Variants in PIAS1 observed in about 807,000 individuals in gnomAD.
PIAS1 encodes protein inhibitor of activated STAT 1, also known as E3 SUMO-protein ligase PIAS1.
A neutral mutation model predicts 71.3 loss-of-function variants in PIAS1; 6 were observed. That is an observed-to-expected ratio of 0.08 (90% CI 0.05 to 0.17). The LOEUF (loss-of-function observed/expected upper bound fraction) is 0.17, where lower values mean the gene tolerates loss of function less well. PIAS1 is among the 10% of genes least tolerant of loss of function. PIAS1 has a pLI of 1.00. For missense variants in PIAS1, 555 were observed against 793.6 expected, an observed-to-expected ratio of 0.70 and a Z score of 3.61; for synonymous variants, 303 against 292.9, an observed-to-expected ratio of 1.03 and a Z score of -0.35.
Position 68,095,194 on chromosome 15 carries a change from A to G in PIAS1, c.469+8444A>G, listed in dbSNP as rs986985070. ...TAAGTACAGTTTATCAAAGAAATCC[A>G]ACATTTAAGATCTTACTGGGATCGA... On this transcript the variant is annotated intron_variant, in intron 2 of 13. Coordinates refer to ENST00000249636, the MANE Select transcript of PIAS1 (RefSeq NM_016166.3). Among the ~76,000 whole-genome samples, 3 of 152,176 alleles carry G rather than the reference A, an allele frequency of 2.0e-5. No homozygotes were observed. In the East Asian group the frequency reaches 5.8e-4, roughly 29 times the overall value.
intron 4 of PIAS1, among the ~76,000 whole-genome samples, chr15:68,145,117 T>A (rs980695615): frequency 1.3e-5 from 2 of 152,220 alleles, no homozygotes; most frequent in East Asian, 3.8e-4. Context: ...ACTGAGAATT[T>A]ATGAATTATG....
chr15:68,072,740 A>G (rs1362571436), intron 1 of PIAS1, among the ~76,000 whole-genome samples: 1 of 152,194 alleles, frequency 6.6e-6, no homozygotes, highest in Non-Finnish European at 1.5e-5. Flanking sequence ...AACAGCCTCT[A>G]AATTGGTATC....
At position 68,142,020 on chromosome 15, in the gene PIAS1, A is replaced by G; in HGVS notation, c.544A>G (p.Ser182Gly). Residue 182 changes from serine to glycine, a missense_variant, in exon 3 of 14, where the codon AGT becomes GGT. Coordinates refer to ENST00000249636, the MANE Select transcript of PIAS1 (RefSeq NM_016166.3). ...ALTPQQVQQI[S>G]SSMDISGTKC... ...GACACCACAACAAGTGCAGCAAATC[A>G]GTAGTTCCATGTAAGTTGTCGTCAA... 4 of 1,599,078 alleles carry G rather than the reference A, an allele frequency of 2.5e-6. No individual in the cohort carries two copies. The highest frequency in any genetic ancestry group is 3.4e-6 in the Non-Finnish European group (4 of 1,170,984).
chr15:68,139,075 A>G (rs1004697466), intron 2 of PIAS1, among the ~76,000 whole-genome samples: 11 of 152,170 alleles, frequency 7.2e-5, no homozygotes, highest in African/African-American at 2.4e-4. Flanking sequence ...TATGTTACTC[A>G]TTTACATTCT....
chr15:68,132,201 G>A (rs557098612), intron 2 of PIAS1, among the ~76,000 whole-genome samples: 30 of 152,112 alleles, frequency 2.0e-4, no homozygotes, highest in Non-Finnish European at 4.0e-4. Flanking sequence ...AGTGTTGGCC[G>A]GGCATGGTGG....
rs2092283039 is a variant in PIAS1 at position 68,086,510 on chromosome 15, A to G, written c.229A>G (p.Ile77Val). 1 of 1,613,868 alleles carries G rather than the reference A, an allele frequency of 6.2e-7. No individual in the cohort carries two copies. Among genetic ancestry groups the G allele is most frequent in the Non-Finnish European group, 8.5e-7 (1 of 1,179,816 alleles). ...QKIMTPADLS[I>V]PNVHSSPMPA... ...AATCATGACGCCTGCAGACTTGTCCATCCCCAACGTACATTCAAGTCCTAT... is the reference window on the plus strand; with the variant it reads ...AATCATGACGCCTGCAGACTTGTCCGTCCCCAACGTACATTCAAGTCCTAT... Residue 77 changes from isoleucine to valine, a missense_variant, in exon 2 of 14, where the codon ATC becomes GTC. By Grantham distance (29) the Ile-to-Val change is conservative. This residue lies in a region of PIAS1 where 80 missense variants were observed against 66.9 expected (regional missense o/e 1.20). Coordinates refer to ENST00000249636, the MANE Select transcript of PIAS1 (RefSeq NM_016166.3). The surrounding 1 kb of genome is among the most constrained non-coding windows in gnomAD (Gnocchi z 7.2).
chr15:68,141,961 A>G lies in PIAS1; in HGVS notation c.485A>G (p.Gln162Arg). 6.2e-7 allele frequency: 1 copy of G among 1,601,878 alleles called. No homozygotes were observed. Residue 162 changes from glutamine (Q) to arginine (R), a missense_variant, in exon 3 of 14, where the codon CAG becomes CGG. By Grantham distance (43) the Gln-to-Arg change is conservative. Transcript: ENST00000249636. Reference protein sequence around the residue: ...KPTSLASDNSQRFRETCFAFA... With the variant: ...KPTSLASDNSRRFRETCFAFA... Reference sequence around the variant, plus strand: ...TCTTCTTTAGCATCAGACAACAGTCAGCGCTTTCGAGAAACCTGTTTTGCA... The same window carrying G: ...TCTTCTTTAGCATCAGACAACAGTCGGCGCTTTCGAGAAACCTGTTTTGCA...
intron 1 of PIAS1, among the ~76,000 whole-genome samples, chr15:68,075,874 C>T (rs1597136194): frequency 1.3e-5 from 2 of 151,856 alleles, no homozygotes; most frequent in South Asian, 2.1e-4. Context: ...CTCGGCCCCC[C>T]GGGGTTCAAG....
At chr15:68,065,909 T>G (rs1351221937) in intron 1 of PIAS1, among the ~76,000 whole-genome samples, 1 of 109,872 alleles carries the variant, frequency 9.1e-6, no homozygotes, top group African/African-American at 3.3e-5. Context: ...CTCAGCTGAC[T>G]AAAAGCTTTT....
At chr15:68,073,946 T>A (rs1159014398) in intron 1 of PIAS1, among the ~76,000 whole-genome samples, 2 of 152,178 alleles carry the variant, frequency 1.3e-5, no homozygotes, top group Non-Finnish European at 2.9e-5. Context: ...TTTAAGGTGT[T>A]AAGATTGACA....
intron 2 of PIAS1, among the ~76,000 whole-genome samples, chr15:68,096,105 C>T (rs1198690137): frequency 6.6e-6 from 1 of 152,138 alleles, no homozygotes; most frequent in Non-Finnish European, 1.5e-5. Flanking sequence ...TCTATATGTC[C>T]TTTCAAGATA....
intron 2 of PIAS1, among the ~76,000 whole-genome samples, chr15:68,123,473 C>G (rs1286236707): frequency 2.0e-5 from 3 of 152,042 alleles, no homozygotes; most frequent in African/African-American, 7.2e-5. Context: ...GTCTCATTTT[C>G]TTGTCTATAA....
intron 7 of PIAS1, among the ~76,000 whole-genome samples, chr15:68,154,804 A>T (rs1352738299): frequency 6.6e-6 from 1 of 152,240 alleles, no homozygotes; most frequent in Non-Finnish European, 1.5e-5. Context: ...CTGATTTGGG[A>T]TCTGCGGGAG....
intron 1 of PIAS1, among the ~76,000 whole-genome samples, chr15:68,065,670 T>C (rs897778881): frequency 6.6e-6 from 1 of 151,370 alleles, no homozygotes; most frequent in Non-Finnish European, 1.5e-5. Context: ...AATTAAATCC[T>C]GCATCTCTGT....
Position 68,186,763 on chromosome 15 carries a change from G to A in PIAS1, c.1663-779G>A, listed in dbSNP as rs1023440252. 7.9e-5 allele frequency among the ~76,000 whole-genome samples: 12 copies of A among 152,200 alleles called. No individual in the cohort carries two copies. Among genetic ancestry groups the A allele is most frequent in the African/African-American group, 2.7e-4 (11 of 41,440 alleles). On this transcript the variant is annotated intron_variant, in intron 13 of 13. Transcript: ENST00000249636. This position sits in a 1 kb window ranked among gnomAD's most constrained non-coding sequence, Gnocchi z 4.4. ...CTATGTTGAGATATACACATACTTAGCATTGTGTTACAGTTGCCTACGGCA... is the reference window on the plus strand; with the variant it reads ...CTATGTTGAGATATACACATACTTAACATTGTGTTACAGTTGCCTACGGCA...
intron 12 of PIAS1, among the ~76,000 whole-genome samples, chr15:68,183,070 A>G (rs891976486): frequency 3.3e-5 from 5 of 151,894 alleles, no homozygotes; most frequent in Non-Finnish European, 7.4e-5. Context: ...TAGCAGAACT[A>G]CTCCTTCTTA....
chr15:68,134,866 G>A lies in PIAS1; in HGVS notation c.470-7080G>A, dbSNP rs868458271. On this transcript the variant is annotated intron_variant, in intron 2 of 13. Transcript: ENST00000249636. Reference sequence around the variant, plus strand: ...GGGCTGACCCCCCCACCGCCCTCCCGGACGGGGCGGCTGGCCGGGCAGAGG... The same window carrying A: ...GGGCTGACCCCCCCACCGCCCTCCCAGACGGGGCGGCTGGCCGGGCAGAGG... Among the ~76,000 whole-genome samples the A allele has an allele frequency of 6.0e-3, 225 of 37,542 alleles. 16 individuals carry two copies. Among genetic ancestry groups the A allele is most frequent in the African/African-American group, 6.7e-3 (123 of 18,330 alleles). The allele number at this position is 37,542 out of a possible 152,430, so 24.6% of individuals were successfully genotyped here. A position where few individuals can be genotyped will look rare whatever the true frequency, so the allele number is the denominator to read the frequency against.
At chr15:68,065,841 A>C (rs1386150474) in intron 1 of PIAS1, among the ~76,000 whole-genome samples, 2 of 142,802 alleles carry the variant, frequency 1.4e-5, no homozygotes, top group Non-Finnish European at 3.0e-5. Context: ...CCTGGGCTCA[A>C]ATGATCCTTC....
chr15:68,092,173 A>AT (rs977331551), intron 2 of PIAS1, among the ~76,000 whole-genome samples: 26 of 151,428 alleles, frequency 1.7e-4, no homozygotes, highest in Middle Eastern at 3.4e-3. Context: ...AGTGTTACTT[A>AT]TTTTTTTTCT....
Sources: allele counts gnomAD v4.1 joint callset (sites outside exome capture counted in the v4.1 genomes callset), GRCh38; gene constraint gnomAD v4.1.1; regional missense constraint gnomAD v4.1.1; non-coding constraint Gnocchi (gnomAD v3.1); transcripts MANE v1.5; gene names NCBI Gene and HGNC (gene_info 2026-07-23, HGNC 2026-07-21).